The following IQSEC1 variants were observed in gnomAD, a reference collection of about 807,000 sequenced individuals.
IQSEC1 encodes IQ motif and Sec7 domain ArfGEF 1, also known as IQ motif and SEC7 domain-containing protein 1.
In IQSEC1, 31 loss-of-function variants were observed where a neutral mutation model predicts 91.0. The ratio of observed to expected loss-of-function variants is 0.34; its 90% CI spans 0.26 to 0.46. The LOEUF (loss-of-function observed/expected upper bound fraction) is 0.46, where lower values mean the gene tolerates loss of function less well. Ranked by LOEUF, IQSEC1 falls within the 20% of genes least tolerant of loss-of-function variation. The probability of loss-of-function intolerance (pLI) is 1.00; values close to 1 mark genes in which losing one functional copy is unlikely to be tolerated. For missense variants in IQSEC1, 1,388 were observed against 1,575.6 expected (o/e 0.88, Z 2.02); for synonymous variants, 699 against 662.6 (o/e 1.05, Z -0.84).
At chr3:13,283,216 G>A (rs998496883) in exon 1 of IQSEC1, among the ~76,000 whole-genome samples, 3 of 148,314 alleles carry the variant, frequency 2.0e-5, no homozygotes, top group African/African-American at 7.3e-5. Context: ...GGCAGGGCGC[G>A]GAGCTGCGGC....
At chr3:13,263,499 A>G (rs1440143907) in intron 1 of IQSEC1, among the ~76,000 whole-genome samples, 1 of 144,982 alleles carries the variant, frequency 6.9e-6, no homozygotes, top group African/African-American at 2.6e-5. Flanking sequence ...CTGAAGTGCA[A>G]TGGCGTGATC....
intron 1 of IQSEC1, among the ~76,000 whole-genome samples, chr3:13,209,539 G>A (rs551133119): frequency 1.3e-5 from 2 of 152,316 alleles, no homozygotes; most frequent in African/African-American, 2.4e-5. Flanking sequence ...GGGAAGCATC[G>A]GCTCTCACAG....
intron 9 of IQSEC1, among the ~76,000 whole-genome samples, chr3:12,912,670 CAAAAAAAAAAAA>C (rs561314162): frequency 3.7e-5 from 2 of 54,026 alleles, no homozygotes; most frequent in South Asian, 6.3e-4. Flanking sequence ...GACTCCGTCT[CAAAAAAAAAAAA>C]AAAAAAAAAA....
intron 2 of IQSEC1, among the ~76,000 whole-genome samples, chr3:13,121,115 C>T (rs1024572170): frequency 6.6e-5 from 10 of 152,198 alleles, no homozygotes; most frequent in African/African-American, 2.4e-4. Flanking sequence ...ACAGTCGCTG[C>T]CCTATGCTGT....
intron 1 of IQSEC1, chr3:13,022,456 C>T (rs1178988758): frequency 2.0e-6 from 2 of 1,017,188 alleles, no homozygotes; most frequent in Middle Eastern, 4.6e-4. Context: ...GGCTGCAGGC[C>T]AGGGGAGCAG....
chr3:13,236,908 C>A (rs1408647552), intron 1 of IQSEC1, among the ~76,000 whole-genome samples: 1 of 152,220 alleles, frequency 6.6e-6, no homozygotes, highest in Non-Finnish European at 1.5e-5. Context: ...TGCCCCCCTC[C>A]AGCCAGGTTT....
chr3:13,048,372 T>C (rs142136451), intron 1 of IQSEC1, among the ~76,000 whole-genome samples: 1 of 152,220 alleles, frequency 6.6e-6, no homozygotes, highest in African/African-American at 2.4e-5. Flanking sequence ...CTGGGGAGCA[T>C]CAGCTATGAC....
intron 1 of IQSEC1, among the ~76,000 whole-genome samples, chr3:13,060,716 C>T (rs1705036493): frequency 6.6e-6 from 1 of 152,180 alleles, no homozygotes; most frequent in African/African-American, 2.4e-5. Flanking sequence ...ATCAGCCCTG[C>T]CCCCGGCGGG....
chr3:12,914,459 G>T (rs1163297241), intron 8 of IQSEC1, among the ~76,000 whole-genome samples: 1 of 152,198 alleles, frequency 6.6e-6, no homozygotes, highest in Non-Finnish European at 1.5e-5. Flanking sequence ...TTAAGATGAG[G>T]GGGAAAATGT....
At chr3:13,096,937 T>C (rs1705975700) in intron 2 of IQSEC1, among the ~76,000 whole-genome samples, 1 of 150,742 alleles carries the variant, frequency 6.6e-6, no homozygotes, top group Non-Finnish European at 1.5e-5. Context: ...CTCGGCTCAC[T>C]GCAAGCTCCA....
rs1701352543 is a variant in IQSEC1, at chr3:12,979,527, C to T, written c.24-37662G>A. On this transcript the variant is annotated intron_variant, in intron 1 of 13. Coordinates refer to ENST00000613206, the MANE Select transcript of IQSEC1 (RefSeq NM_001134382.3). The surrounding 1 kb of genome is among the most constrained non-coding windows in gnomAD (Gnocchi z 4.3). Reference sequence around the variant, plus strand: ...GCGCACACACACACTCTAAGATGTCCCTGGACAGCGGTTGTCTCTGGGGAG... The same window carrying T: ...GCGCACACACACACTCTAAGATGTCTCTGGACAGCGGTTGTCTCTGGGGAG... Among the ~76,000 whole-genome samples, 1 of 152,176 alleles carries T rather than the reference C, an allele frequency of 6.6e-6. No homozygotes were observed. Among genetic ancestry groups the T allele is most frequent in the Non-Finnish European group, 1.5e-5 (1 of 68,036 alleles).
intron 2 of IQSEC1, among the ~76,000 whole-genome samples, chr3:13,096,046 G>C (rs1705949673): frequency 6.6e-6 from 1 of 152,190 alleles, no homozygotes; most frequent in South Asian, 2.1e-4. Flanking sequence ...TCCTGCCTCA[G>C]TATCCGCATC....
intron 1 of IQSEC1, among the ~76,000 whole-genome samples, chr3:13,242,638 G>A (rs1262992151): frequency 2.0e-5 from 3 of 152,202 alleles, no homozygotes; most frequent in Admixed American, 6.5e-5. Flanking sequence ...CTGGGTGGGC[G>A]ACATGGGCCT....
intron 2 of IQSEC1, among the ~76,000 whole-genome samples, chr3:13,144,695 A>C (rs1706859329): frequency 6.6e-6 from 1 of 152,114 alleles, no homozygotes; most frequent in Non-Finnish European, 1.5e-5. Context: ...CTCCTCCATC[A>C]CGTGGCTCCC....
At chr3:12,947,031 T>C (rs1034148455) in intron 1 of IQSEC1, among the ~76,000 whole-genome samples, 1 of 152,232 alleles carries the variant, frequency 6.6e-6, no homozygotes, top group African/African-American at 2.4e-5. Flanking sequence ...AGATGGACTC[T>C]ATTTGCCAAG....
chr3:13,096,051 C>T (rs1188944530), intron 2 of IQSEC1, among the ~76,000 whole-genome samples: 2 of 152,182 alleles, frequency 1.3e-5, no homozygotes, highest in African/African-American at 2.4e-5. Context: ...CCTCAGTATC[C>T]GCATCTGTGA....
At chr3:13,017,744 A>G (rs1304233743) in intron 1 of IQSEC1, among the ~76,000 whole-genome samples, 2 of 152,034 alleles carry the variant, frequency 1.3e-5, no homozygotes, top group African/African-American at 4.8e-5. Context: ...AACCGAGGAG[A>G]GGGAGGTGAG....
intron 2 of IQSEC1, among the ~76,000 whole-genome samples, chr3:13,145,522 C>T (rs1214861803): frequency 6.6e-6 from 1 of 152,138 alleles, no homozygotes; most frequent in Non-Finnish European, 1.5e-5. Context: ...CCTCTAATGT[C>T]TCACTGGCAG....
intron 10 of IQSEC1, among the ~76,000 whole-genome samples, chr3:12,910,079 A>G (rs1417703012): frequency 4.6e-5 from 7 of 152,238 alleles, no homozygotes; most frequent in South Asian, 2.1e-4. Context: ...TATGCAGCCC[A>G]TTACTGCCAC....
Sources: gnomAD v4.1 joint callset for allele counts (sites outside exome capture counted in the v4.1 genomes callset) on GRCh38, gnomAD v4.1.1 for gene constraint, Gnocchi (gnomAD v3.1) non-coding constraint, MANE v1.5 for transcripts, NCBI Gene and HGNC (gene_info 2026-07-23, HGNC 2026-07-21) for gene names.